The following TMEM267 variants were observed in gnomAD, a reference collection of about 807,000 sequenced individuals.
TMEM267 encodes the protein transmembrane protein C5orf28.
A neutral mutation model predicts 19.3 loss-of-function variants in TMEM267; 20 were observed. The observed-to-expected ratio is 1.04, with a 90% CI of 0.73 to 1.51. The LOEUF (loss-of-function observed/expected upper bound fraction) is 1.51. TMEM267 is among the 40% of genes most tolerant of loss of function. The pLI is 0.00. For synonymous variants in TMEM267, 88 were observed against 90.3 expected, an observed-to-expected ratio of 0.97 and a Z score of 0.15; for missense variants, 242 against 261.9, an observed-to-expected ratio of 0.92 and a Z score of 0.52.
In TMEM267 at chr5:43,472,865, C is replaced by T. The variant is rs544299885; in HGVS notation, c.-75+10957G>A. On this transcript the variant is annotated intron_variant, in intron 1 of 2. Coordinates refer to ENST00000397080, the MANE Select transcript of TMEM267 (RefSeq NM_022483.5). Reference sequence around the variant, plus strand: ...GGTACTAAAAAAACAGAAGGCCGGGCACGGTGGCTCACACCTGTAATCCCA... The same window carrying T: ...GGTACTAAAAAAACAGAAGGCCGGGTACGGTGGCTCACACCTGTAATCCCA... 3.9e-4 allele frequency among the ~76,000 whole-genome samples: 59 copies of T among 151,000 alleles called. 1 individual carries two copies. Among genetic ancestry groups the T allele is most frequent in the African/African-American group, 1.3e-3 (52 of 40,574 alleles).
Position 43,463,042 on chromosome 5 carries a change from CAAGACTAAT to C in TMEM267, c.-74-9008_-74-9000del, listed in dbSNP as rs879826091. ...ACCAACAAAATCGATAGACCGCTAG[CAAGACTAAT>C]AAAGAAGAAAAGAGAGAAGAATCAA... On this transcript the variant is annotated intron_variant, in intron 1 of 2. Transcript: ENST00000397080. Among the ~76,000 whole-genome samples, 57 of 151,912 alleles carry C rather than the reference CAAGACTAAT, an allele frequency of 3.8e-4. 1 individual carries two copies. Among genetic ancestry groups the C allele is most frequent in the Middle Eastern group, 3.4e-3 (1 of 294 alleles).
rs920868133 is a variant in TMEM267, at chr5:43,444,742, TAATCA to T, written c.*1475_*1479del. On this transcript the variant is annotated 3_prime_UTR_variant, in exon 3 of 3. Coordinates refer to ENST00000397080, the MANE Select transcript of TMEM267 (RefSeq NM_022483.5). ...AAGCCAGTGCTTAAAAAAAAAACTC[TAATCA>T]AATTTACCCCCACTATATAATATTT... 3 of 152,074 alleles carry T rather than the reference TAATCA, an allele frequency of 2.0e-5. No individual in the cohort carries two copies. Among genetic ancestry groups the T allele is most frequent in the African/African-American group, 7.2e-5 (3 of 41,426 alleles). The allele number at this position is 152,074 out of a possible 1,614,324, so 9.4% of individuals were successfully genotyped here. A position where few individuals can be genotyped will look rare whatever the true frequency, so the allele number is the denominator to read the frequency against.
chr5:43,463,706 CAT>C (rs1311108403), intron 1 of TMEM267, among the ~76,000 whole-genome samples: 2 of 152,204 alleles, frequency 1.3e-5, no homozygotes, highest in African/African-American at 2.4e-5. Flanking sequence ...CCAAAAACCA[CAT>C]GATTATCTCA....
intron 1 of TMEM267, among the ~76,000 whole-genome samples, chr5:43,462,891 G>C (rs1199537837): frequency 6.6e-6 from 1 of 152,076 alleles, no homozygotes; most frequent in Non-Finnish European, 1.5e-5. Flanking sequence ...AGAAAAGCAA[G>C]AGCAAACACA....
In TMEM267 at chr5:43,482,079, G is replaced by A. The variant is rs576317023; in HGVS notation, c.-75+1743C>T. 3.3e-5 allele frequency among the ~76,000 whole-genome samples: 5 copies of A among 152,290 alleles called. No homozygotes were observed. The South Asian group carries it at 1.0e-3, about 32-fold the overall frequency. ...AGGATGGTCTCGATCTCCTGATCTC[G>A]TGATCCGCCCGCCTCGGCCTCCCAA... On this transcript the variant is annotated intron_variant, in intron 1 of 2. Transcript: ENST00000397080.
chr5:43,473,355 C>T (rs993173395), intron 1 of TMEM267, among the ~76,000 whole-genome samples: 2 of 152,050 alleles, frequency 1.3e-5, no homozygotes, highest in Admixed American at 6.6e-5. Context: ...AATTAGAAAA[C>T]CCCATCGTCT....
chr5:43,445,065 CA>C lies in TMEM267; in HGVS notation c.*1156del, dbSNP rs1561180976. On this transcript the variant is annotated 3_prime_UTR_variant, in exon 3 of 3. Transcript: ENST00000397080. ...ACAAAAGTGTAAGAAAATCTGAAGACAGCAGATGCCATATATGCCACAAAGA... is the reference window on the plus strand; with the variant it reads ...ACAAAAGTGTAAGAAAATCTGAAGACGCAGATGCCATATATGCCACAAAGA... The C allele has an allele frequency of 6.6e-6, 1 of 152,114 alleles. No homozygotes were observed. Among genetic ancestry groups the C allele is most frequent in the South Asian group, 2.1e-4 (1 of 4,832 alleles). The allele number at this position is 152,114 out of a possible 1,614,324, so 9.4% of individuals were successfully genotyped here.
chr5:43,454,458 T>C (rs116000348), intron 1 of TMEM267: 1 of 152,720 alleles, frequency 6.5e-6, no homozygotes, highest in Non-Finnish European at 1.5e-5. Flanking sequence ...AGCTCACCAA[T>C]TAGAGTTTTC....
intron 1 of TMEM267, among the ~76,000 whole-genome samples, chr5:43,457,267 A>C (rs1447291878): frequency 6.6e-6 from 1 of 152,242 alleles, no homozygotes; most frequent in African/African-American, 2.4e-5. Context: ...AAATGTATGC[A>C]GGGCAAAGGG....
intron 1 of TMEM267, among the ~76,000 whole-genome samples, chr5:43,472,649 A>T (rs1022505548): frequency 1.3e-5 from 2 of 152,232 alleles, no homozygotes; most frequent in African/African-American, 4.8e-5. Context: ...AACAACATGG[A>T]TGGAACTGGA....
intron 1 of TMEM267, among the ~76,000 whole-genome samples, chr5:43,464,510 C>T (rs1743500502): frequency 6.6e-6 from 1 of 152,254 alleles, no homozygotes; most frequent in African/African-American, 2.4e-5. Context: ...CAATCCTAAG[C>T]CAAAAGAACA....
chr5:43,474,515 T>G (rs1473835854), intron 1 of TMEM267, among the ~76,000 whole-genome samples: 3 of 152,206 alleles, frequency 2.0e-5, no homozygotes, highest in African/African-American at 7.2e-5. Context: ...ATCCCAGCAC[T>G]TTGGGAGGCT....
chr5:43,447,816 A>T (rs1742346921), intron 2 of TMEM267, among the ~76,000 whole-genome samples: 1 of 152,200 alleles, frequency 6.6e-6, no homozygotes, highest in South Asian at 2.1e-4. Flanking sequence ...AATTACCACT[A>T]GGAAGTTCAG....
chr5:43,462,195 CTA>C (rs1743312313), intron 1 of TMEM267, among the ~76,000 whole-genome samples: 1 of 152,220 alleles, frequency 6.6e-6, no homozygotes, highest in African/African-American at 2.4e-5. Flanking sequence ...GGCGGTACCT[CTA>C]TGAGTCTGCA....
intron 1 of TMEM267, among the ~76,000 whole-genome samples, chr5:43,461,972 G>A (rs2112101054): frequency 6.6e-6 from 1 of 152,278 alleles, no homozygotes; most frequent in African/African-American, 2.4e-5. Flanking sequence ...GAATATAGCA[G>A]GCATTGTGTG....
At chr5:43,480,117 A>T (rs1744670316) in intron 1 of TMEM267, 1 of 253,512 alleles carries the variant, frequency 3.9e-6, no homozygotes, top group South Asian at 3.7e-5. Flanking sequence ...GACACTGAAA[A>T]CTTGAATTAA....
At chr5:43,453,429 C>A (rs1007406936) in intron 2 of TMEM267, among the ~76,000 whole-genome samples, 1 of 152,178 alleles carries the variant, frequency 6.6e-6, no homozygotes, top group Non-Finnish European at 1.5e-5. Flanking sequence ...AGGTACAGTT[C>A]GTGGGTCTTT....
intron 1 of TMEM267, among the ~76,000 whole-genome samples, chr5:43,460,464 A>C (rs1743195039): frequency 6.6e-6 from 1 of 152,180 alleles, no homozygotes; most frequent in African/African-American, 2.4e-5. Context: ...ACAGAAAAAA[A>C]ATACCTTCAT....
At position 43,454,208 on chromosome 5, in the gene TMEM267, A is replaced by ATT. The variant is rs374076278; in HGVS notation, c.-74-167_-74-166dup. Among the ~76,000 whole-genome samples the ATT allele has an allele frequency of 2.4e-4, 32 of 133,640 alleles. 1 individual carries two copies. The South Asian group carries it at 6.5e-3, about 27-fold the overall frequency. 87.7% of individuals were successfully genotyped at this position (133,640 alleles called of 152,430 possible). ...ATGTCACATAGCCCAAGGAGAATAG[A>ATT]TTTTTTTTTTTTTTTTTTTTTTAGG... On this transcript the variant is annotated intron_variant, in intron 1 of 2. Transcript: ENST00000397080.
Sources: allele counts gnomAD v4.1 joint callset (sites outside exome capture counted in the v4.1 genomes callset), GRCh38; gene constraint gnomAD v4.1.1; transcripts MANE v1.5; gene names NCBI Gene and HGNC (gene_info 2026-07-23, HGNC 2026-07-21).